SYNPO2: variants seen among roughly 807,000 people sequenced by gnomAD.
SYNPO2 encodes synaptopodin 2, also known as synaptopodin-2.
In SYNPO2, 56 loss-of-function variants were observed where a neutral mutation model predicts 85.0. The ratio of observed to expected loss-of-function variants is 0.66; its 90% confidence interval spans 0.53 to 0.82. The LOEUF is 0.82. Among genes scored for constraint, SYNPO2 ranks in the 40% least tolerant of loss-of-function variants. The probability of loss-of-function intolerance (pLI) is 0.00; values close to 1 mark genes in which losing one functional copy is unlikely to be tolerated. For missense variants in SYNPO2, 1,575 were observed against 1,534.2 expected (o/e 1.03, Z -0.44); for synonymous variants, 602 against 591.1 (o/e 1.02, Z -0.27).
intron 1 of SYNPO2, among the ~76,000 whole-genome samples, chr4:118,914,069 A>T (rs1733229291): frequency 6.6e-6 from 1 of 152,148 alleles, no homozygotes; most frequent in Admixed American, 6.6e-5. Flanking sequence ...AATTAGAAGG[A>T]TATAGGATAT....
Position 118,853,887 on chromosome 4 carries a change from C to CTGGA in SYNPO2, c.12+2949_12+2952dup, listed in dbSNP as rs1327808466. Among the ~76,000 whole-genome samples the CTGGA allele has an allele frequency of 6.6e-5, 10 of 152,168 alleles. 1 individual carries two copies. The highest frequency in any genetic ancestry group is 1.0e-4 in the Non-Finnish European group (7 of 68,032). ...ACATGGAATATGTGCAGGAAAGAGGCTGGATACCATACTTTGTACAGAGAG... is the reference window on the plus strand; with the variant it reads ...ACATGGAATATGTGCAGGAAAGAGGCTGGATGGATACCATACTTTGTACAGAGAG... On this transcript the variant is annotated intron_variant, in intron 1 of 4. Coordinates refer to the SYNPO2 transcript ENST00000610556.
intron 1 of SYNPO2, among the ~76,000 whole-genome samples, chr4:118,870,578 G>A (rs1004619412): frequency 6.6e-6 from 1 of 152,142 alleles, no homozygotes; most frequent in African/African-American, 2.4e-5. Flanking sequence ...GGGTCAAATG[G>A]CATTTCTGGC....
At chr4:119,003,284 A>G (rs1736890963) in intron 1 of SYNPO2, among the ~76,000 whole-genome samples, 1 of 152,132 alleles carries the variant, frequency 6.6e-6, no homozygotes, top group Non-Finnish European at 1.5e-5. Context: ...GTGAAGGAGG[A>G]ACTGCCAAAC....
At chr4:118,917,768 T>A (rs551825971) in intron 1 of SYNPO2, among the ~76,000 whole-genome samples, 83 of 152,344 alleles carry the variant, frequency 5.4e-4, no homozygotes, top group Non-Finnish European at 9.0e-4. Flanking sequence ...TCATTTATGC[T>A]TTTGAAAAGA....
chr4:118,994,311 G>A (rs1286505486), intron 1 of SYNPO2, among the ~76,000 whole-genome samples: 1 of 152,232 alleles, frequency 6.6e-6, no homozygotes, highest in Non-Finnish European at 1.5e-5. Context: ...TGTAGGACAA[G>A]CCAGGCATGT....
At position 118,897,895 on chromosome 4, in the gene SYNPO2, C is replaced by T. The variant is rs191603393; in HGVS notation, c.105+8754C>T. Among the ~76,000 whole-genome samples the T allele has an allele frequency of 3.2e-3, 480 of 152,244 alleles. 8 individuals carry two copies. In the Middle Eastern group the frequency reaches 0.034, roughly 11 times the overall value. On this transcript the variant is annotated intron_variant, in intron 1 of 4. Transcript: ENST00000307142. ...GAGCATGCTGGAGAGATTTTTGTGA[C>T]CCCTTAAACCAAACCTGCTTTTCTT...
intron 1 of SYNPO2, among the ~76,000 whole-genome samples, chr4:118,941,966 T>A (rs1424998143): frequency 6.6e-6 from 1 of 152,194 alleles, no homozygotes; most frequent in Non-Finnish European, 1.5e-5. Flanking sequence ...GAGCTATCCC[T>A]GGTTGGCTGG....
chr4:118,962,726 T>C (rs1316871699), intron 1 of SYNPO2, among the ~76,000 whole-genome samples: 1 of 152,204 alleles, frequency 6.6e-6, no homozygotes, highest in Non-Finnish European at 1.5e-5. Context: ...AGCTTCCATC[T>C]GCCCCAATCT....
chr4:118,878,838 A>AC (rs1186033114), intron 1 of SYNPO2, among the ~76,000 whole-genome samples: 3 of 152,148 alleles, frequency 2.0e-5, no homozygotes, highest in East Asian at 3.9e-4. Context: ...AAAGCTGGCC[A>AC]CCCCAGCCAG....
At chr4:118,949,579 A>T (rs1329177591) in intron 1 of SYNPO2, among the ~76,000 whole-genome samples, 1 of 106,152 alleles carries the variant, frequency 9.4e-6, no homozygotes, top group Non-Finnish European at 2.1e-5. Context: ...TGTCTCTACT[A>T]AAAAAAAAAA....
intron 4 of SYNPO2, among the ~76,000 whole-genome samples, chr4:119,038,824 A>T (rs1267449677): frequency 1.3e-5 from 2 of 152,144 alleles, no homozygotes; most frequent in Admixed American, 1.3e-4. Flanking sequence ...CCTCAGTGGA[A>T]GATTTCTCAA....
rs78186269 is a variant in SYNPO2 at position 118,993,411 on chromosome 4, G to C, written c.106-30019G>C. Among the ~76,000 whole-genome samples the C allele has an allele frequency of 3.1e-3, 474 of 152,250 alleles. 2 individuals are homozygous for C. The highest frequency in any genetic ancestry group is 0.031 in the Middle Eastern group (9 of 294). On this transcript the variant is annotated intron_variant, in intron 1 of 4. Transcript: ENST00000307142. ...TAGACAAACGTATCTCATTTTACGAGGCCTCCTTGATTTAGTTTGGTTTAA... is the reference window on the plus strand; with the variant it reads ...TAGACAAACGTATCTCATTTTACGACGCCTCCTTGATTTAGTTTGGTTTAA...
At chr4:118,996,657 A>G (rs1353521274) in intron 1 of SYNPO2, among the ~76,000 whole-genome samples, 2 of 151,774 alleles carry the variant, frequency 1.3e-5, no homozygotes, top group African/African-American at 4.8e-5. Context: ...GGAGATTGAG[A>G]CTATCCTGGC....
chr4:118,998,320 A>T (rs1478385601), intron 1 of SYNPO2, among the ~76,000 whole-genome samples: 1 of 152,220 alleles, frequency 6.6e-6, no homozygotes, highest in Non-Finnish European at 1.5e-5. Flanking sequence ...AACACACTTT[A>T]AGGGCAAAGT....
chr4:119,012,375 C>CTT (rs10651853), intron 1 of SYNPO2, among the ~76,000 whole-genome samples: 5,844 of 109,674 alleles, frequency 0.053, 311 homozygotes, highest in African/African-American at 0.17. Context: ...TCCCCCTTTT[C>CTT]TTTTTTTTTT....
chr4:118,935,558 C>T (rs1041053994), intron 1 of SYNPO2, among the ~76,000 whole-genome samples: 2 of 152,238 alleles, frequency 1.3e-5, no homozygotes, highest in African/African-American at 4.8e-5. Flanking sequence ...CATATTTTCA[C>T]TGTACTTTTC....
intron 1 of SYNPO2, among the ~76,000 whole-genome samples, chr4:118,999,001 A>C (rs1256618350): frequency 1.3e-5 from 2 of 152,214 alleles, no homozygotes; most frequent in Admixed American, 1.3e-4. Context: ...GATCTTGGGC[A>C]AGCCATGTAA....
At chr4:118,948,338 A>G (rs946833932) in intron 1 of SYNPO2, among the ~76,000 whole-genome samples, 30 of 152,282 alleles carry the variant, frequency 2.0e-4, no homozygotes, top group African/African-American at 7.0e-4. Flanking sequence ...CTCAACAACC[A>G]TTTTCTGAGT....
At chr4:119,038,228 C>A (rs1738593513) in intron 4 of SYNPO2, 1 of 984,770 alleles carries the variant, frequency 1.0e-6, no homozygotes, top group African/African-American at 1.8e-5. Context: ...AGCCTACTGT[C>A]TCTGCTTTGT....
Sources: allele counts gnomAD v4.1 joint callset (sites outside exome capture counted in the v4.1 genomes callset), GRCh38; gene constraint gnomAD v4.1.1; transcripts MANE v1.5; gene names NCBI Gene and HGNC (gene_info 2026-07-23, HGNC 2026-07-21).